The following FNDC8 variants were observed in gnomAD, a reference collection of about 807,000 sequenced individuals.
FNDC8 encodes the protein fibronectin type III domain containing 8, also known as fibronectin type III domain-containing protein 8.
In FNDC8, 23 loss-of-function variants were observed where a neutral mutation model predicts 24.8. The observed-to-expected ratio is 0.93, with a 90% CI of 0.67 to 1.31. FNDC8 has a LOEUF of 1.31. Ranked by LOEUF, FNDC8 falls within the 40% of genes most tolerant of loss-of-function variation. The pLI is 0.00. For synonymous variants in FNDC8, 158 were observed against 165.3 expected, an observed-to-expected ratio of 0.96 and a Z score of 0.34; for missense variants, 371 against 398.2, an observed-to-expected ratio of 0.93 and a Z score of 0.58.
intron 1 of FNDC8, among the ~76,000 whole-genome samples, chr17:35,122,442 T>A (rs1156868619): frequency 6.6e-6 from 1 of 151,644 alleles, no homozygotes; most frequent in African/African-American, 2.4e-5. Context: ...GAGAAGAGCG[T>A]GTGGGCAGGT....
At chr17:35,127,731 G>C (rs1031641077) in intron 2 of FNDC8, among the ~76,000 whole-genome samples, 4 of 152,230 alleles carry the variant, frequency 2.6e-5, no homozygotes, top group African/African-American at 9.6e-5. Context: ...AGGTGGAGGA[G>C]GGAGGCATTC....
In FNDC8 at chr17:35,130,529, C is replaced by T. The variant is rs1384488159; in HGVS notation, c.*95C>T. On this transcript the variant is annotated 3_prime_UTR_variant, in exon 4 of 4. Coordinates refer to ENST00000158009, the MANE Select transcript of FNDC8 (RefSeq NM_017559.4). ...TGAGACCTACCATACCACCAGCACC[C>T]TGCGGGCCCGGGGTCTGGCAGAGTG... 18 of 1,351,364 alleles carry T rather than the reference C, an allele frequency of 1.3e-5. No homozygotes were observed. Among genetic ancestry groups the T allele is most frequent in the Non-Finnish European group, 1.7e-5 (17 of 988,422 alleles). The allele number at this position is 1,351,364 out of a possible 1,614,324, so 83.7% of individuals were successfully genotyped here.
rs775047592 is a variant in FNDC8 at position 35,127,122 on chromosome 17, C to G, written c.290C>G (p.Pro97Arg). 25 of 1,614,082 alleles carry G rather than the reference C, an allele frequency of 1.5e-5. 1 individual carries two copies. In the South Asian group the frequency reaches 1.8e-4, roughly 11 times the overall value. Residue 97 changes from proline (P) to arginine (R), a missense_variant, in exon 2 of 4, where the codon CCC becomes CGC. By Grantham distance (103) the Pro-to-Arg change is moderately radical. Transcript: ENST00000158009. ...ISAFSSTLLN[P>R]IKLAVTQPNS... ...GCCTTCTCATCCACCTTGCTGAACC[C>G]CATCAAATTAGCTGTGACCCAGCCC... is the stretch of plus-strand genomic sequence containing the variant.
intron 2 of FNDC8, chr17:35,129,129 G>T: frequency 2.9e-6 from 1 of 342,146 alleles, no homozygotes. Context: ...GTTCCTAACA[G>T]GCCATGGACT....
chr17:35,129,976 G>C, intron 3 of FNDC8: 24 of 1,371,036 alleles, frequency 1.8e-5, no homozygotes, highest in Non-Finnish European at 2.0e-5. Flanking sequence ...CAAGGGCATT[G>C]AAAGAAATAG....
intron 1 of FNDC8, 85 bp downstream of exon 1, chr17:35,121,987 CTTT>C (rs60097491): frequency 0.015 from 9,488 of 624,348 alleles, 1 homozygote; most frequent in Middle Eastern, 0.021. Context: ...TCCTTCCTTC[CTTT>C]TTTTTTTTTT....
chr17:35,126,042 T>C (rs1038385307), intron 1 of FNDC8, among the ~76,000 whole-genome samples: 1 of 152,132 alleles, frequency 6.6e-6, no homozygotes, highest in Non-Finnish European at 1.5e-5. Flanking sequence ...CACCTCAGCC[T>C]TCCAAGTAGC....
intron 1 of FNDC8, among the ~76,000 whole-genome samples, chr17:35,126,294 G>A (rs1261941930): frequency 6.6e-6 from 1 of 152,128 alleles, no homozygotes; most frequent in Non-Finnish European, 1.5e-5. Flanking sequence ...CCACTAAAAT[G>A]TAAGTAAATA....
In FNDC8 at chr17:35,121,826, G is replaced by A. The variant is rs368216487; in HGVS notation, c.133G>A (p.Val45Ile). Residue 45 changes from valine to isoleucine, a missense_variant, in exon 1 of 4, where the codon GTC becomes ATC. Coordinates refer to ENST00000158009, the MANE Select transcript of FNDC8 (RefSeq NM_017559.4). Reference protein sequence around the residue: ...FSNPKSMNRTVTTKGLPLASK... With the variant: ...FSNPKSMNRTITTKGLPLASK... The stretch of plus-strand genomic sequence containing the variant: ...AAACCCCAAGTCTATGAACCGGACC[G>A]TCACTACCAAAGGACTCCCACTAGC... 45 of 1,613,584 alleles carry A rather than the reference G, an allele frequency of 2.8e-5. No homozygotes were observed. Among genetic ancestry groups the A allele is most frequent in the African/African-American group, 9.4e-5 (7 of 74,754 alleles).
At chr17:35,121,987 CTTTTTT>C (rs60097491) in intron 1 of FNDC8, 85 bp downstream of exon 1, 26 of 637,402 alleles carry the variant, frequency 4.1e-5, no homozygotes, top group South Asian at 8.3e-5. Flanking sequence ...TCCTTCCTTC[CTTTTTT>C]TTTTTTTTTT....
intron 1 of FNDC8, among the ~76,000 whole-genome samples, chr17:35,122,883 G>C (rs2091835352): frequency 6.6e-6 from 1 of 152,220 alleles, no homozygotes; most frequent in Non-Finnish European, 1.5e-5. Flanking sequence ...TGGGGATCAT[G>C]CAATAACCAG....
Position 35,121,848 on chromosome 17 carries a change from TA to T in FNDC8, c.156del (p.Ala53ProfsTer18), listed in dbSNP as rs758252204. 19 of 1,613,748 alleles carry T rather than the reference TA, an allele frequency of 1.2e-5. No homozygotes were observed. The highest frequency in any genetic ancestry group is 1.6e-5 in the Non-Finnish European group (19 of 1,179,956). On this transcript the variant is annotated frameshift_variant, in exon 1 of 4. Coordinates refer to ENST00000158009, the MANE Select transcript of FNDC8 (RefSeq NM_017559.4). LOFTEE classifies it high-confidence loss of function. The part of the protein sequence containing the change: ...NRTVTTKGLP[L>X]ASKGNLVNFL... ...ACCGTCACTACCAAAGGACTCCCAC[TA>T]GCCTCAAAGGGCAATTTGGTCAACT...
intron 1 of FNDC8, among the ~76,000 whole-genome samples, chr17:35,123,844 CAGG>C (rs2091839597): frequency 6.6e-6 from 1 of 152,176 alleles, no homozygotes; most frequent in African/African-American, 2.4e-5. Flanking sequence ...TTGTGAACAT[CAGG>C]AGGAGGAGAT....
chr17:35,123,792 C>A (rs926006726), intron 1 of FNDC8, among the ~76,000 whole-genome samples: 2 of 152,064 alleles, frequency 1.3e-5, no homozygotes, highest in Non-Finnish European at 2.9e-5. Context: ...ACCCTCAGCC[C>A]CTTGTTTGCC....
chr17:35,126,792 G>A (rs1438172383), intron 1 of FNDC8, among the ~76,000 whole-genome samples: 6 of 152,168 alleles, frequency 3.9e-5, no homozygotes, highest in East Asian at 3.9e-4. Flanking sequence ...GAGCCACTGC[G>A]CCCAGCCAGG....
chr17:35,125,046 TCA>T (rs2091843758), intron 1 of FNDC8, among the ~76,000 whole-genome samples: 1 of 118,558 alleles, frequency 8.4e-6, no homozygotes, highest in African/African-American at 3.4e-5. Context: ...AGACTCCAGC[TCA>T]AAAAAAAAAA....
intron 1 of FNDC8, 94 bp downstream of exon 1, chr17:35,121,996 T>G: frequency 2.0e-6 from 2 of 1,006,814 alleles, no homozygotes; most frequent in Non-Finnish European, 1.4e-6. Flanking sequence ...CCTTTTTTTT[T>G]TTTTTTTTGA....
rs748236400 is a variant in FNDC8, at chr17:35,130,386, G to A, written c.927G>A (p.Pro309=). ...GGCAAAAGATCGTGTCCATCGGGCCGGAGGAGATGCGGAGGCTGGAGGATC... is the reference window on the plus strand; with the variant it reads ...GGCAAAAGATCGTGTCCATCGGGCCAGAGGAGATGCGGAGGCTGGAGGATC... ...EPRQKIVSIG[P]EEMRRLEDLE... Residue 309 remains proline (P), a synonymous_variant, in exon 4 of 4, where the codon CCG becomes CCA. Transcript: ENST00000158009. The A allele has an allele frequency of 2.5e-5, 40 of 1,613,988 alleles. No homozygotes were observed. Among genetic ancestry groups the A allele is most frequent in the East Asian group, 2.2e-4 (10 of 44,884 alleles).
At chr17:35,123,124 T>C (rs952182936) in intron 1 of FNDC8, among the ~76,000 whole-genome samples, 65 of 152,208 alleles carry the variant, frequency 4.3e-4, no homozygotes, top group Non-Finnish European at 2.2e-4. Context: ...GAATGACCTG[T>C]GCAGTCACAA....
Sources: allele counts gnomAD v4.1 joint callset (sites outside exome capture counted in the v4.1 genomes callset), GRCh38; gene constraint gnomAD v4.1.1; transcripts MANE v1.5; gene names NCBI Gene and HGNC (gene_info 2026-07-23, HGNC 2026-07-21).